NPIPB7: variants seen among roughly 807,000 people sequenced by gnomAD.
NPIPB7 encodes nuclear pore complex-interacting protein family member B7.
For missense variants in NPIPB7, 14 were observed against 238.5 expected (o/e 0.06, Z 6.20); for synonymous variants, 9 against 88.1 (o/e 0.10, Z 5.03).
chr16:28,470,837 A>G (rs1487699147), upstream of NPIPB7, among the ~76,000 whole-genome samples: 1 of 132,378 alleles, frequency 7.6e-6, no homozygotes, highest in Non-Finnish European at 1.6e-5. Context: ...ACGCGGGGCA[A>G]GGGAGCGTGA....
At chr16:28,463,828 A>T (rs1236084684) in intron 2 of NPIPB7, among the ~76,000 whole-genome samples, 399 of 130,444 alleles carry the variant, frequency 3.1e-3, no homozygotes, top group African/African-American at 0.01. Context: ...CAAGGTCAAG[A>T]GATGGAGACC....
intron 4 of NPIPB7, among the ~76,000 whole-genome samples, chr16:28,461,304 G>A (rs1462143662): frequency 9.7e-5 from 13 of 133,334 alleles, no homozygotes; most frequent in Admixed American, 6.4e-4. Context: ...CTGCACCGAC[G>A]ACCTCAATTG....
intron 2 of NPIPB7, among the ~76,000 whole-genome samples, chr16:28,465,200 C>T (rs1278626252): frequency 2.2e-5 from 2 of 90,520 alleles, no homozygotes; most frequent in Admixed American, 1.2e-4. Context: ...TTAAAAACTT[C>T]CCCTGGCTCA....
upstream of NPIPB7, chr16:28,470,578 G>A: frequency 1.3e-5 from 1 of 79,808 alleles, no homozygotes; most frequent in Non-Finnish European, 2.1e-5. Context: ...AAGGGGAGGG[G>A]GAGGGGAAGG....
intron 4 of NPIPB7, among the ~76,000 whole-genome samples, 188 bp downstream of exon 4, chr16:28,462,486 C>T (rs373935371): frequency 0.07 from 9,647 of 137,544 alleles, 1 homozygote; most frequent in East Asian, 0.17. Flanking sequence ...GAAAAAATTA[C>T]AAACAAGAAT....
At chr16:28,472,289 T>C (rs912139632), upstream of NPIPB7, among the ~76,000 whole-genome samples, 2 of 150,660 alleles carry the variant, frequency 1.3e-5, no homozygotes, top group Non-Finnish European at 3.0e-5. Flanking sequence ...TGGTGGCTAA[T>C]TGGGAGGCTG....
At chr16:28,463,389 TCACACACACA>T (rs57853696) in intron 2 of NPIPB7, among the ~76,000 whole-genome samples, 1,159 of 45,796 alleles carry the variant, frequency 0.025, 11 homozygotes, top group African/African-American at 0.086. Flanking sequence ...AGACTCTGTC[TCACACACACA>T]CACACACACA....
intron 2 of NPIPB7, among the ~76,000 whole-genome samples, chr16:28,463,727 CAAAAAAAAAAA>C (rs1199745082): frequency 0.011 from 171 of 15,108 alleles, 15 homozygotes; most frequent in East Asian, 0.05. Flanking sequence ...AACTCTGTCT[CAAAAAAAAAAA>C]AAAAAAAAAA....
At chr16:28,470,586 AGGGGAG>A (rs1417188422), upstream of NPIPB7, 120 of 42,330 alleles carry the variant, frequency 2.8e-3, no homozygotes, top group Non-Finnish European at 3.7e-3. Context: ...GGGGAGGGGA[AGGGGAG>A]GGGGAGGGGA....
At chr16:28,461,298 A>AC (rs1478099055) in intron 4 of NPIPB7, among the ~76,000 whole-genome samples, 2 of 132,810 alleles carry the variant, frequency 1.5e-5, no homozygotes, top group African/African-American at 5.5e-5. Flanking sequence ...CTGAGCCTGC[A>AC]CCGACGACCT....
intron 2 of NPIPB7, among the ~76,000 whole-genome samples, chr16:28,464,363 A>T (rs1184065805): frequency 1.3e-5 from 2 of 151,682 alleles, no homozygotes; most frequent in African/African-American, 4.9e-5. Context: ...TCCCTCCAAG[A>T]TTTCCATATT....
chr16:28,470,792 A>G (rs2045945203), upstream of NPIPB7, among the ~76,000 whole-genome samples: 2 of 147,640 alleles, frequency 1.4e-5, no homozygotes, highest in South Asian at 4.5e-4. Context: ...AGGTTTAGCT[A>G]CAGGTCACGG....
At chr16:28,470,042 T>C (rs1165444320) in intron 1 of NPIPB7, among the ~76,000 whole-genome samples, 17 of 145,194 alleles carry the variant, frequency 1.2e-4, no homozygotes, top group Admixed American at 9.5e-4. Flanking sequence ...TTTTGGTCCA[T>C]TTTGTTTGTT....
At chr16:28,463,389 T>TCACA (rs57853696) in intron 2 of NPIPB7, among the ~76,000 whole-genome samples, 1,876 of 45,756 alleles carry the variant, frequency 0.041, 50 homozygotes, top group African/African-American at 0.057. Context: ...AGACTCTGTC[T>TCACA]CACACACACA....
chr16:28,463,624 G>C (rs996923166), intron 2 of NPIPB7, among the ~76,000 whole-genome samples: 1 of 143,962 alleles, frequency 6.9e-6, no homozygotes, highest in Non-Finnish European at 1.5e-5. Flanking sequence ...TAGTCGGGAG[G>C]CTGAGGCAGG....
chr16:28,468,790 G>A (rs559513131), intron 1 of NPIPB7, among the ~76,000 whole-genome samples: 2 of 100,046 alleles, frequency 2.0e-5, no homozygotes, highest in Non-Finnish European at 4.4e-5. Context: ...CTGGGTGACA[G>A]AGTGAGACTC....
At chr16:28,470,042 TTTTG>T (rs1425016690) in intron 1 of NPIPB7, among the ~76,000 whole-genome samples, 62 of 145,002 alleles carry the variant, frequency 4.3e-4, no homozygotes, top group African/African-American at 1.5e-3. Flanking sequence ...TTTTGGTCCA[TTTTG>T]TTTGTTAGAG....
chr16:28,464,213 C>T (rs1163919432), intron 2 of NPIPB7, among the ~76,000 whole-genome samples: 3 of 143,964 alleles, frequency 2.1e-5, no homozygotes, highest in African/African-American at 5.2e-5. Flanking sequence ...TAACATTTCA[C>T]CCCCTGCTCC....
chr16:28,462,115 T>A (rs1387049047), intron 4 of NPIPB7, among the ~76,000 whole-genome samples: 1 of 138,506 alleles, frequency 7.2e-6, no homozygotes, highest in Non-Finnish European at 1.6e-5. Flanking sequence ...AGATTCTATC[T>A]CAAAATTTAA....
Sources: gnomAD v4.1 joint callset for allele counts (sites outside exome capture counted in the v4.1 genomes callset) on GRCh38, gnomAD v4.1.1 for gene constraint, MANE v1.5 for transcripts, NCBI Gene and HGNC (gene_info 2026-07-23, HGNC 2026-07-21) for gene names.